Variants in DMXL1 observed in about 807,000 individuals in gnomAD.
DMXL1 encodes Dmx like 1.
Under a neutral mutation model 319.2 loss-of-function variants are expected in DMXL1, and 99 were observed. The observed-to-expected ratio is 0.31, with a 90% CI of 0.26 to 0.37. The LOEUF is 0.37. DMXL1 is among the 10% of genes least tolerant of loss of function. The pLI, the probability that DMXL1 is intolerant of heterozygous loss-of-function variation, is 1.00. For synonymous variants in DMXL1, 1,385 were observed against 1,235.2 expected (o/e 1.12, Z -2.54); for missense variants, 3,745 against 3,595.6 (o/e 1.04, Z -1.06).
At position 119,149,452 on chromosome 5, in the gene DMXL1, G is replaced by T. The variant is rs1374260187; in HGVS notation, c.3625G>T (p.Val1209Leu). Residue 1209 changes from valine (V) to leucine (L), a missense_variant, in exon 18 of 44, where the codon GTA (valine) becomes TTA (leucine). Physicochemically the swap from Val to Leu is conservative, Grantham distance 32. Coordinates refer to ENST00000539542, the MANE Select transcript of DMXL1 (RefSeq NM_001290321.3). The part of the protein sequence containing the change: ...LLRSVDLVSS[V>L]DGSPPFPVSL... Reference sequence around the variant, plus strand: ...ACGAAGTGTGGACCTAGTTTCTTCTGTAGATGGCTCCCCACCTTTTCCTGT... The same window carrying T: ...ACGAAGTGTGGACCTAGTTTCTTCTTTAGATGGCTCCCCACCTTTTCCTGT... The T allele has an allele frequency of 1.2e-6, 2 of 1,613,864 alleles. No individual in the cohort carries two copies. The highest frequency in any genetic ancestry group is 1.7e-6 in the Non-Finnish European group (2 of 1,179,912).
intron 25 of DMXL1, among the ~76,000 whole-genome samples, chr5:119,173,646 C>G (rs900875279): frequency 8.2e-5 from 12 of 145,874 alleles, no homozygotes; most frequent in African/African-American, 3.1e-4. Flanking sequence ...TCTGGATTCA[C>G]CAAAGAAACA....
chr5:119,087,935 G>C (rs1753746671), intron 1 of DMXL1, among the ~76,000 whole-genome samples: 1 of 152,060 alleles, frequency 6.6e-6, no homozygotes, highest in Non-Finnish European at 1.5e-5. Context: ...CCAAGTAGCT[G>C]GGATTACAGG....
At chr5:119,107,270 G>A (rs1307134045) in intron 4 of DMXL1, among the ~76,000 whole-genome samples, 3 of 152,084 alleles carry the variant, frequency 2.0e-5, no homozygotes, top group South Asian at 2.1e-4. Context: ...GAGCCCAGGA[G>A]GTTGAGGCTG....
intron 27 of DMXL1, 54 bp from the exon 28 acceptor site, chr5:119,177,942 T>A (rs1002519113): frequency 1.4e-6 from 2 of 1,459,440 alleles, no homozygotes; most frequent in East Asian, 5.0e-5. Flanking sequence ...TAGTTAATTT[T>A]TAAAATTTTA....
chr5:119,247,003 T>A lies in DMXL1; in HGVS notation c.8931T>A (p.Ser2977Arg), dbSNP rs747068552. 19 of 1,598,382 alleles carry A rather than the reference T, an allele frequency of 1.2e-5. No homozygotes were observed. In the South Asian group the frequency reaches 2.0e-4, roughly 17 times the overall value. ...GSAEGNIKIW[S>R]LSTFGLLHTF... ...TTCTTAATATCTTTCAGATTTGGAGTCTCTCTACCTTTGGTCTTCTCCATA... is the reference window on the plus strand; with the variant it reads ...TTCTTAATATCTTTCAGATTTGGAGACTCTCTACCTTTGGTCTTCTCCATA... Residue 2977 changes from serine to arginine, a missense_variant, in exon 44 of 44, where the codon AGT (serine) becomes AGA (arginine). Around this residue, in one of 4 missense-constraint regions of DMXL1, gnomAD observed 262 missense variants for 320.5 expected, o/e 0.82. Transcript: ENST00000539542.
At chr5:119,179,839 C>T (rs986791402) in intron 28 of DMXL1, among the ~76,000 whole-genome samples, 2 of 152,104 alleles carry the variant, frequency 1.3e-5, no homozygotes, top group African/African-American at 4.8e-5. Flanking sequence ...CAAGAAAAAA[C>T]AGGCAGGAAT....
intron 38 of DMXL1, among the ~76,000 whole-genome samples, chr5:119,225,174 G>A (rs7736744): frequency 0.95 from 143,941 of 152,096 alleles, 68,156 homozygotes; most frequent in East Asian, 1. Context: ...AGCCACAACC[G>A]TACCTCAATT....
intron 1 of DMXL1, among the ~76,000 whole-genome samples, chr5:119,087,765 A>G (rs1753701026): frequency 6.6e-6 from 1 of 151,798 alleles, no homozygotes; most frequent in South Asian, 2.1e-4. Flanking sequence ...ACGTTATTGT[A>G]TTGCATTCTA....
At chr5:119,108,718 C>G (rs1044624035) in intron 4 of DMXL1, among the ~76,000 whole-genome samples, 5 of 152,050 alleles carry the variant, frequency 3.3e-5, no homozygotes, top group African/African-American at 9.7e-5. Context: ...CTGCACCCAG[C>G]CTTGACAATA....
chr5:119,237,300 T>C (rs772803918), intron 39 of DMXL1, 22 bp from the exon 40 acceptor site: 3 of 1,394,252 alleles, frequency 2.2e-6, no homozygotes, highest in Middle Eastern at 2.4e-4. Flanking sequence ...TTAAATACTT[T>C]TAAATATTTT....
intron 7 of DMXL1, among the ~76,000 whole-genome samples, chr5:119,117,224 A>G (rs1761040125): frequency 6.6e-6 from 1 of 151,994 alleles, no homozygotes; most frequent in Non-Finnish European, 1.5e-5. Context: ...GATTTTTTGT[A>G]GAGATGGGGT....
intron 32 of DMXL1, among the ~76,000 whole-genome samples, chr5:119,202,897 A>ATG (rs1173991826): frequency 1.4e-5 from 2 of 144,668 alleles, no homozygotes; most frequent in Non-Finnish European, 3.0e-5. Context: ...ATATATATAT[A>ATG]TATATATATT....
At position 119,193,825 on chromosome 5, in the gene DMXL1, T is replaced by TA; in HGVS notation, c.7315-2dup. On this transcript the variant is annotated splice_region_variant and splice_polypyrimidine_tract_variant and intron_variant, in intron 29 of 43. Transcript: ENST00000539542. ...GCTAAATTTCATGATTTCTTTATTT[T>TA]AGCCTTTTCTACCCTCTTCTCAAAG... 6.2e-7 allele frequency: 1 copy of TA among 1,610,692 alleles called. No homozygotes were observed. The highest frequency in any genetic ancestry group is 8.5e-7 in the Non-Finnish European group (1 of 1,178,900).
chr5:119,230,647 C>A (rs1786517036), intron 38 of DMXL1, among the ~76,000 whole-genome samples: 1 of 152,110 alleles, frequency 6.6e-6, no homozygotes. Context: ...CTTTGGGAGG[C>A]CAAGGCGGGC....
chr5:119,113,260 C>T (rs779852418), intron 5 of DMXL1, among the ~76,000 whole-genome samples: 3 of 152,066 alleles, frequency 2.0e-5, no homozygotes, highest in African/African-American at 7.2e-5. Context: ...TGTTGTTGTT[C>T]GAGACGGAGT....
chr5:119,233,413 A>T lies in DMXL1; in HGVS notation c.8412A>T (p.Arg2804=). 1.9e-6 allele frequency: 3 copies of T among 1,612,780 alleles called. No homozygotes were observed. Among genetic ancestry groups the T allele is most frequent in the Non-Finnish European group, 1.7e-6 (2 of 1,179,050 alleles). ...WGHSQQITCF[R]SGGNSRVTRM... ...ATTCTCAACAAATAACCTGTTTTCG[A>T]TCTGGTGGCAATTCAAGAGTTACAA... The change falls in exon 39 of 44, where the codon CGA becomes CGT. Residue 2804 remains arginine (R), a synonymous_variant. Transcript: ENST00000539542.
rs1454416130 is a variant in DMXL1, at chr5:119,071,461, G to T, written c.-109G>T. The T allele has an allele frequency of 4.5e-6, 5 of 1,109,104 alleles. No homozygotes were observed. Among genetic ancestry groups the T allele is most frequent in the Non-Finnish European group, 6.6e-6 (5 of 754,412 alleles). 68.7% of individuals were successfully genotyped at this position (1,109,104 alleles called of 1,614,324 possible). A position where few individuals can be genotyped will look rare whatever the true frequency, so the allele number is the denominator to read the frequency against. ...CCAGGCGCCTGTCGCTGCTTCTGCC[G>T]TCGCCACCGAAGAGCGGCCGCCGCC... On this transcript the variant is annotated 5_prime_UTR_variant, in exon 1 of 44. Coordinates refer to ENST00000539542, the MANE Select transcript of DMXL1 (RefSeq NM_001290321.3).
intron 39 of DMXL1, among the ~76,000 whole-genome samples, chr5:119,234,203 C>A (rs1787294825): frequency 6.6e-6 from 1 of 152,116 alleles, no homozygotes; most frequent in Non-Finnish European, 1.5e-5. Flanking sequence ...AGACAGCAAT[C>A]TTTTATTGAA....
intron 1 of DMXL1, among the ~76,000 whole-genome samples, chr5:119,076,642 A>G (rs1313654904): frequency 1.3e-5 from 2 of 152,218 alleles, no homozygotes; most frequent in South Asian, 2.1e-4. Context: ...TTATATTTTA[A>G]AGATAAGAAT....
Sources: allele counts gnomAD v4.1 joint callset (sites outside exome capture counted in the v4.1 genomes callset), GRCh38; gene constraint gnomAD v4.1.1; regional missense constraint gnomAD v4.1.1; transcripts MANE v1.5; gene names NCBI Gene and HGNC (gene_info 2026-07-23, HGNC 2026-07-21).